Variants in PDZK1 observed in about 807,000 individuals in gnomAD.
PDZK1 encodes the protein Na(+)/H(+) exchange regulatory cofactor NHE-RF3.
In PDZK1, 23 loss-of-function variants were observed where a neutral mutation model predicts 38.1. The observed-to-expected ratio is 0.60, with a 90% CI of 0.43 to 0.85. The LOEUF is 0.85. Ranked by LOEUF, PDZK1 falls within the 40% of genes least tolerant of loss-of-function variation. PDZK1 has a pLI of 0.00. For synonymous variants in PDZK1, 98 were observed against 186.2 expected (o/e 0.53, Z 3.86); for missense variants, 297 against 504.3 (o/e 0.59, Z 3.94).
chr1:145,701,408 C>G (rs782791502), intron 1 of PDZK1, among the ~76,000 whole-genome samples: 4 of 151,798 alleles, frequency 2.6e-5, no homozygotes, highest in Non-Finnish European at 5.9e-5. Context: ...CCACTGAACT[C>G]CATGCTTGCC....
intron 5 of PDZK1, among the ~76,000 whole-genome samples, chr1:145,679,168 C>CTTT (rs58403818): frequency 6.6e-5 from 9 of 137,044 alleles, no homozygotes; most frequent in Admixed American, 1.5e-4. Context: ...CAGATGCTGC[C>CTTT]TTTTTTTTTT....
chr1:145,704,163 C>G (rs1656125701), intron 1 of PDZK1, among the ~76,000 whole-genome samples: 1 of 152,124 alleles, frequency 6.6e-6, no homozygotes, highest in African/African-American at 2.4e-5. Flanking sequence ...CACCACAGCC[C>G]CTTTCTGTAT....
At chr1:145,697,661 G>A (rs190490080) in intron 1 of PDZK1, among the ~76,000 whole-genome samples, 16 of 151,328 alleles carry the variant, frequency 1.1e-4, no homozygotes, top group African/African-American at 3.4e-4. Context: ...GCAGTGGTGC[G>A]ATCTCAGCTC....
chr1:145,703,810 T>C (rs1258241496), intron 1 of PDZK1, among the ~76,000 whole-genome samples: 2 of 151,180 alleles, frequency 1.3e-5, no homozygotes, highest in Non-Finnish European at 2.9e-5. Context: ...ATGTCGTGTG[T>C]CCCCAACAAG....
chr1:145,685,456 C>CT (rs1169962426), intron 3 of PDZK1, among the ~76,000 whole-genome samples: 4 of 151,958 alleles, frequency 2.6e-5, no homozygotes, highest in African/African-American at 9.7e-5. Context: ...TTATGATTTT[C>CT]TTTTTTTTAC....
intron 1 of PDZK1, among the ~76,000 whole-genome samples, chr1:145,698,731 C>T (rs1197447981): frequency 2.6e-5 from 4 of 152,020 alleles, no homozygotes; most frequent in Admixed American, 2.6e-4. Context: ...GAGTTCGAGA[C>T]CAGCTTGGCC....
At chr1:145,706,456 A>G (rs1397744359) in intron 1 of PDZK1, among the ~76,000 whole-genome samples, 7 of 152,170 alleles carry the variant, frequency 4.6e-5, no homozygotes, top group Admixed American at 4.6e-4. Context: ...TTCTAGATAC[A>G]AGACTGAAAG....
At chr1:145,700,555 C>G (rs1259762983) in intron 1 of PDZK1, among the ~76,000 whole-genome samples, 3 of 152,258 alleles carry the variant, frequency 2.0e-5, no homozygotes, top group Admixed American at 1.3e-4. Context: ...ACTCACCAGA[C>G]AGCATCACTG....
At chr1:145,674,264 C>T (rs1421353841) in intron 6 of PDZK1, 7 of 985,282 alleles carry the variant, frequency 7.1e-6, no homozygotes, top group Admixed American at 1.2e-4. Context: ...ACCGACTAGC[C>T]GGTACCTCAT....
chr1:145,692,635 TG>T lies in PDZK1; in HGVS notation c.-2-4613del, dbSNP rs587631777. Among the ~76,000 whole-genome samples the T allele has an allele frequency of 1.5e-3, 220 of 148,520 alleles. 2 individuals are homozygous for T. The highest frequency in any genetic ancestry group is 5.4e-3 in the African/African-American group (218 of 40,120). On this transcript the variant is annotated intron_variant, in intron 1 of 8. Coordinates refer to ENST00000417171, the MANE Select transcript of PDZK1 (RefSeq NM_001201325.2). ...CTGGGGAAGGGGAATCGCTTGGACC[TG>T]GGGGGCAGAGGTTGCAGTGAGCCAA...
intron 1 of PDZK1, among the ~76,000 whole-genome samples, chr1:145,693,929 G>C (rs1374591178): frequency 6.6e-6 from 1 of 152,090 alleles, no homozygotes; most frequent in East Asian, 1.9e-4. Flanking sequence ...ACAGGCCAAG[G>C]TGGCAGCCTG....
chr1:145,671,536 G>A (rs1402999418), intron 8 of PDZK1, 47 bp from the exon 9 acceptor site: 2 of 1,226,952 alleles, frequency 1.6e-6, no homozygotes, highest in African/African-American at 1.5e-5. Flanking sequence ...AGTAATGAAA[G>A]AGGGATGATC....
chr1:145,673,645 AG>A lies in PDZK1; in HGVS notation c.1215+11del. 1 of 1,563,144 alleles carries A rather than the reference AG, an allele frequency of 6.4e-7. No homozygotes were observed. The highest frequency in any genetic ancestry group is 2.3e-5 in the East Asian group (1 of 44,252). ...CTGTGTTTGTTGGGCTGCTGGAACCAGATTACCATACCTCTTTGATGAATGA... is the reference window on the plus strand; with the variant it reads ...CTGTGTTTGTTGGGCTGCTGGAACCAATTACCATACCTCTTTGATGAATGA... On this transcript the variant is annotated intron_variant, in intron 7 of 8. Coordinates refer to ENST00000417171, the MANE Select transcript of PDZK1 (RefSeq NM_001201325.2).
chr1:145,674,156 T>A, intron 6 of PDZK1: 23 of 984,628 alleles, frequency 2.3e-5, no homozygotes, highest in Non-Finnish European at 2.7e-5. Flanking sequence ...CCAAAAGAAG[T>A]CTAAAAAATT....
At chr1:145,699,064 CCT>C (rs1308757312) in intron 1 of PDZK1, among the ~76,000 whole-genome samples, 14 of 151,972 alleles carry the variant, frequency 9.2e-5, no homozygotes, top group African/African-American at 3.4e-4. Flanking sequence ...TTGGCGAAAC[CCT>C]GTCTCTACTA....
At chr1:145,695,483 G>A (rs1168091757) in intron 1 of PDZK1, among the ~76,000 whole-genome samples, 1 of 152,004 alleles carries the variant, frequency 6.6e-6, no homozygotes, top group Non-Finnish European at 1.5e-5. Flanking sequence ...GAAAGAAAGA[G>A]GGAAAGCTTG....
intron 4 of PDZK1, among the ~76,000 whole-genome samples, chr1:145,681,421 T>G (rs1654240079): frequency 6.7e-6 from 1 of 149,050 alleles, no homozygotes; most frequent in African/African-American, 2.6e-5. Context: ...TACCTGGGAC[T>G]ACAGGTGCCC....
At chr1:145,673,157 G>A in intron 7 of PDZK1, 137 bp from the exon 8 acceptor site, 1 of 619,588 alleles carries the variant, frequency 1.6e-6, no homozygotes, top group Non-Finnish European at 2.9e-6. Context: ...TATAGAAGTT[G>A]AGAAAGGTGT....
chr1:145,702,421 A>T (rs917781480), intron 1 of PDZK1, among the ~76,000 whole-genome samples: 4 of 152,014 alleles, frequency 2.6e-5, no homozygotes, highest in Non-Finnish European at 5.9e-5. Flanking sequence ...CTTGAGTGCC[A>T]GCTGAGACAA....
Sources: allele counts gnomAD v4.1 joint callset (sites outside exome capture counted in the v4.1 genomes callset), GRCh38; gene constraint gnomAD v4.1.1; transcripts MANE v1.5; gene names NCBI Gene and HGNC (gene_info 2026-07-23, HGNC 2026-07-21).